FAN1: variants seen among roughly 807,000 people sequenced by gnomAD.
FAN1 encodes the protein fanconi-associated nuclease 1.
FAN1 carries 91 observed loss-of-function variants against 104.9 expected under a neutral mutation model. That is an observed-to-expected ratio of 0.87 (90% CI 0.73 to 1.03). FAN1 has a LOEUF of 1.03. Among genes scored for constraint, FAN1 ranks in the 50% least tolerant of loss-of-function variants. FAN1 has a pLI of 0.00. For synonymous variants in FAN1, 478 were observed against 457.6 expected, an observed-to-expected ratio of 1.04 and a Z score of -0.57; for missense variants, 1,263 against 1,239.9, an observed-to-expected ratio of 1.02 and a Z score of -0.28.
chr15:30,923,333 CAGA>C (rs1566923063), intron 8 of FAN1, among the ~76,000 whole-genome samples: 2 of 152,132 alleles, frequency 1.3e-5, no homozygotes, highest in Non-Finnish European at 2.9e-5. Flanking sequence ...GAACCAAATA[CAGA>C]AGGAGAAAGC....
chr15:30,921,226 T>G (rs2062323039), intron 7 of FAN1, among the ~76,000 whole-genome samples: 1 of 152,090 alleles, frequency 6.6e-6, no homozygotes. Context: ...CAGGATGGCC[T>G]GGGGGTGGCG....
intron 1 of FAN1, 67 bp from the exon 2 acceptor site, chr15:30,904,445 A>G (rs747502188): frequency 1.1e-4 from 67 of 635,766 alleles, no homozygotes; most frequent in Non-Finnish European, 1.7e-4. Flanking sequence ...TAAACGTTTC[A>G]GAGTTCGCTT....
At position 30,937,129 on chromosome 15, in the gene FAN1, T is replaced by A; in HGVS notation, c.2927T>A (p.Val976Asp). ...SQSRHFKLVE[V>D]KGPNDRLSHK... is the part of the protein sequence containing the mutation. Reference sequence around the variant, plus strand: ...AAATTTCTTTTCCAGCTGGTGGAAGTTAAAGGCCCCAATGATCGTCTTTCA... The same window carrying A: ...AAATTTCTTTTCCAGCTGGTGGAAGATAAAGGCCCCAATGATCGTCTTTCA... The change falls in exon 14 of 15, where the codon GTT becomes GAT. Residue 976 changes from valine (V) to aspartate (D), a missense_variant. By Grantham distance (152) the Val-to-Asp change is radical. This residue lies in a region of FAN1 where 581 missense variants were observed against 668.8 expected (regional missense o/e 0.87). Transcript: ENST00000362065. 6.2e-7 allele frequency: 1 copy of A among 1,608,980 alleles called. No individual in the cohort carries two copies.
intron 3 of FAN1, among the ~76,000 whole-genome samples, chr15:30,908,796 G>T (rs894469541): frequency 6.6e-6 from 1 of 152,208 alleles, no homozygotes; most frequent in African/African-American, 2.4e-5. Context: ...AGCTGAGATT[G>T]CACCATTGCA....
Position 30,942,693 on chromosome 15 carries a change from C to A in FAN1, c.*1131C>A, listed in dbSNP as rs1405489605. The A allele has an allele frequency of 1.8e-5, 10 of 563,570 alleles. No homozygotes were observed. The Admixed American group carries it at 3.1e-4, about 18-fold the overall frequency. 34.9% of individuals were successfully genotyped at this position (563,570 alleles called of 1,614,324 possible). On this transcript the variant is annotated 3_prime_UTR_variant, in exon 15 of 15. Transcript: ENST00000362065. The stretch of plus-strand genomic sequence containing the variant: ...GCTGCAATCTGCCCACTCTCAGGTA[C>A]TGAGACTTTGTGGGCCTCAGACACC...
intron 7 of FAN1, 83 bp downstream of exon 7, chr15:30,920,736 A>G (rs2062310794): frequency 1.3e-5 from 10 of 777,706 alleles, no homozygotes; most frequent in Non-Finnish European, 1.9e-5. Flanking sequence ...GGCTCTCAGC[A>G]TTTCCTGCTT....
intron 3 of FAN1, among the ~76,000 whole-genome samples, chr15:30,909,607 C>G (rs2062054439): frequency 6.6e-6 from 1 of 152,242 alleles, no homozygotes; most frequent in Admixed American, 6.5e-5. Flanking sequence ...CACCGTGGCA[C>G]TCAGTCAAGT....
chr15:30,916,381 GC>G (rs1393164590), intron 5 of FAN1, among the ~76,000 whole-genome samples: 1 of 152,164 alleles, frequency 6.6e-6, no homozygotes, highest in Non-Finnish European at 1.5e-5. Context: ...TATGGGGAAT[GC>G]CTACTACATG....
chr15:30,926,090 C>G (rs1265272649), intron 10 of FAN1, 151 bp downstream of exon 10: 1 of 765,792 alleles, frequency 1.3e-6, no homozygotes, highest in Admixed American at 2.6e-5. Flanking sequence ...CCTATTCTTC[C>G]CCTTATCAAT....
intron 5 of FAN1, among the ~76,000 whole-genome samples, chr15:30,916,965 G>A (rs944619950): frequency 3.3e-5 from 5 of 152,260 alleles, no homozygotes; most frequent in East Asian, 3.9e-4. Context: ...CCTGCGTCCC[G>A]GCCGCGAGAT....
At chr15:30,926,010 A>G in intron 10 of FAN1, 71 bp downstream of exon 10, 1 of 1,491,240 alleles carries the variant, frequency 6.7e-7, no homozygotes. Flanking sequence ...ATGGGCTGTC[A>G]GCAGTGGGCT....
chr15:30,942,858 G>C lies in FAN1; in HGVS notation c.*1296G>C. On this transcript the variant is annotated 3_prime_UTR_variant, in exon 15 of 15. Transcript: ENST00000362065. ...AAAAGAGGTGTTTGGTTACGTGTGA[G>C]CCAACATCACGTTTTGTTAGCTGTG... 1 of 1,536,194 alleles carries C rather than the reference G, an allele frequency of 6.5e-7. No homozygotes were observed. Among genetic ancestry groups the C allele is most frequent in the African/African-American group, 1.4e-5 (1 of 72,948 alleles).
intron 10 of FAN1, chr15:30,926,582 C>T (rs759998681): frequency 5.1e-6 from 5 of 980,006 alleles, no homozygotes; most frequent in Non-Finnish European, 6.1e-6. Context: ...TGAGATTCAT[C>T]TACATAATAT....
At chr15:30,940,304 CA>C in intron 14 of FAN1, 1 of 985,376 alleles carries the variant, frequency 1.0e-6, no homozygotes, top group Non-Finnish European at 1.2e-6. Flanking sequence ...TCAGATCAAG[CA>C]AACAACTGTG....
chr15:30,931,305 G>A (rs1466096734), intron 13 of FAN1, among the ~76,000 whole-genome samples: 2 of 152,140 alleles, frequency 1.3e-5, no homozygotes, highest in Non-Finnish European at 2.9e-5. Flanking sequence ...TCATTATTGA[G>A]TTTTGAGATT....
chr15:30,908,064 A>C, intron 2 of FAN1, 54 bp from the exon 3 acceptor site: 1 of 1,461,298 alleles, frequency 6.8e-7, no homozygotes, highest in South Asian at 1.4e-5. Flanking sequence ...TATTCACCTT[A>C]GGTTTAAAAG....
At chr15:30,919,550 G>T (rs557610469) in intron 6 of FAN1, among the ~76,000 whole-genome samples, 6 of 151,824 alleles carry the variant, frequency 4.0e-5, no homozygotes, top group South Asian at 2.1e-4. Flanking sequence ...AATTAGGTGG[G>T]TGTTGTGACG....
At position 30,936,664 on chromosome 15, in the gene FAN1, T is replaced by C. The variant is rs572597328; in HGVS notation, c.2917-455T>C. ...CACATCAACTGAAAATATTGTTAAGTTGAAAATGCATTTAACATATTTATC... is the reference window on the plus strand; with the variant it reads ...CACATCAACTGAAAATATTGTTAAGCTGAAAATGCATTTAACATATTTATC... On this transcript the variant is annotated intron_variant, in intron 13 of 14. Transcript: ENST00000362065. Among the ~76,000 whole-genome samples, 371 of 152,314 alleles carry C rather than the reference T, an allele frequency of 2.4e-3. 1 individual carries two copies. Among genetic ancestry groups the C allele is most frequent in the African/African-American group, 8.6e-3 (357 of 41,568 alleles).
Position 30,920,615 on chromosome 15 carries a change from C to T in FAN1, c.2014C>T (p.Arg672Trp), listed in dbSNP as rs761818803. ...GTGGATTTATACAAGGATTTTGTCT[C>T]GGTTTGTGGAAATACTGCAGAGACT... ...VGWIYTRILSRFVEILQRLHM... is the reference protein window; with the variant it reads ...VGWIYTRILSWFVEILQRLHM... Residue 672 changes from arginine (R) to tryptophan (W), a missense_variant, in exon 7 of 15, where the codon CGG (arginine) becomes TGG (tryptophan). This residue lies in a region of FAN1 where 581 missense variants were observed against 668.8 expected (regional missense o/e 0.87). Transcript: ENST00000362065. 1.4e-5 allele frequency: 22 copies of T among 1,611,662 alleles called. No homozygotes were observed. The highest frequency in any genetic ancestry group is 2.2e-5 in the East Asian group (1 of 44,796).
Sources: gnomAD v4.1 joint callset for allele counts (sites outside exome capture counted in the v4.1 genomes callset) on GRCh38, gnomAD v4.1.1 for gene constraint, gnomAD v4.1.1 regional missense constraint, MANE v1.5 for transcripts, NCBI Gene and HGNC (gene_info 2026-07-23, HGNC 2026-07-21) for gene names.